The following TM9SF3 variants were observed in gnomAD, a reference collection of about 807,000 sequenced individuals.
TM9SF3 encodes transmembrane 9 superfamily member 3.
Under a neutral mutation model 78.6 loss-of-function variants are expected in TM9SF3, and 14 were observed. The ratio of observed to expected loss-of-function variants is 0.18; its 90% CI spans 0.12 to 0.28. The LOEUF is 0.28. TM9SF3 is among the 10% of genes least tolerant of loss of function. TM9SF3 has a pLI of 1.00. For synonymous variants in TM9SF3, 231 were observed against 241.7 expected (o/e 0.96, Z 0.41); for missense variants, 496 against 721.9 (o/e 0.69, Z 3.59).
rs1441542348 is a variant in TM9SF3 at position 96,521,243 on chromosome 10, T to A, written c.*1020A>T. On this transcript the variant is annotated 3_prime_UTR_variant, in exon 15 of 15. Transcript: ENST00000371142. The stretch of plus-strand genomic sequence containing the variant: ...CCCAAATCACACATTTCTACACCAA[T>A]CATCATAAGAAAAAAGTACTCTGTA... 4.7e-6 allele frequency: 1 copy of A among 214,278 alleles called. No homozygotes were observed. The highest frequency in any genetic ancestry group is 5.9e-5 in the Admixed American group (1 of 17,026). 13.3% of individuals were successfully genotyped at this position (214,278 alleles called of 1,614,324 possible). A position where few individuals can be genotyped will look rare whatever the true frequency, so the allele number is the denominator to read the frequency against.
intron 7 of TM9SF3, among the ~76,000 whole-genome samples, chr10:96,549,677 AAACAC>A (rs749296388): frequency 2.0e-5 from 3 of 152,188 alleles, no homozygotes; most frequent in Admixed American, 6.5e-5. Flanking sequence ...CACTTCAAAT[AAACAC>A]AACACAGAAA....
intron 9 of TM9SF3, among the ~76,000 whole-genome samples, chr10:96,539,340 A>G (rs1177605436): frequency 8.4e-6 from 1 of 119,192 alleles, no homozygotes; most frequent in Non-Finnish European, 1.8e-5. Flanking sequence ...CCTGGGCTAC[A>G]GAGCAAGACC....
rs1437524080 is a variant in TM9SF3, at chr10:96,584,037, AAAAAC to A, written c.102+2692_102+2696del. On this transcript the variant is annotated intron_variant, in intron 1 of 14. Transcript: ENST00000371142. Reference sequence around the variant, plus strand: ...TGACAAGAGCAAAACTATGCCTCAAAAAAACAAAACAAAACAAACAAAAAAAAACA... The same window carrying A: ...TGACAAGAGCAAAACTATGCCTCAAAAAAACAAAACAAACAAAAAAAAACA... Among the ~76,000 whole-genome samples, 11 of 152,202 alleles carry A rather than the reference AAAAAC, an allele frequency of 7.2e-5. No individual in the cohort carries two copies. The East Asian group carries it at 1.3e-3, about 19-fold the overall frequency.
intron 1 of TM9SF3, 104 bp downstream of exon 1, chr10:96,586,630 T>G: frequency 2.0e-6 from 2 of 977,764 alleles, no homozygotes; most frequent in Non-Finnish European, 2.6e-6. Flanking sequence ...CGGGCCGCAG[T>G]GGGGCACCAC....
rs1847749879 is a variant in TM9SF3 at position 96,520,368 on chromosome 10, A to C, written c.*1895T>G. 4 of 151,916 alleles carry C rather than the reference A, an allele frequency of 2.6e-5. No individual in the cohort carries two copies. The highest frequency in any genetic ancestry group is 9.7e-5 in the African/African-American group (4 of 41,430). The allele number at this position is 151,916 out of a possible 1,614,324, so 9.4% of individuals were successfully genotyped here. On this transcript the variant is annotated 3_prime_UTR_variant, in exon 15 of 15. Transcript: ENST00000371142. The stretch of plus-strand genomic sequence containing the variant: ...CTGATCAAATTTGTTGGATCATATC[A>C]ATCATACTTAAGTGGTAAGAAATCA...
intron 6 of TM9SF3, among the ~76,000 whole-genome samples, 194 bp downstream of exon 6, chr10:96,552,734 A>G (rs1848188828): frequency 1.3e-5 from 2 of 152,202 alleles, no homozygotes; most frequent in African/African-American, 4.8e-5. Flanking sequence ...TTTCCTGAAA[A>G]AAAATTAATA....
At chr10:96,527,927 C>T in intron 12 of TM9SF3, 104 bp downstream of exon 12, 2 of 1,165,320 alleles carry the variant, frequency 1.7e-6, no homozygotes, top group Non-Finnish European at 2.3e-6. Context: ...TTTTAAGTAA[C>T]AACATTTCTA....
rs777461612 is a variant in TM9SF3, at chr10:96,559,725, T to C, written c.594A>G (p.Lys198=). 3.3e-5 allele frequency: 52 copies of C among 1,575,502 alleles called. No individual in the cohort carries two copies. Among genetic ancestry groups the C allele is most frequent in the Non-Finnish European group, 4.4e-5 (51 of 1,158,202 alleles). ...KIQMSYSVKW[K]KSDVKFEDRF... ...GATCTTCAAATTTCACATCTGACTTTTTCCATTTTACCTAAAAAAAATTTT... is the reference window on the plus strand; with the variant it reads ...GATCTTCAAATTTCACATCTGACTTCTTCCATTTTACCTAAAAAAAATTTT... The change falls in exon 5 of 15, where the codon AAA becomes AAG. Residue 198 remains lysine (K), a synonymous_variant. Transcript: ENST00000371142.
chr10:96,529,959 G>C (rs1054790001), intron 11 of TM9SF3, among the ~76,000 whole-genome samples: 1 of 152,170 alleles, frequency 6.6e-6, no homozygotes, highest in Non-Finnish European at 1.5e-5. Context: ...ATTCCCATCA[G>C]GGGGCACGGG....
At position 96,551,277 on chromosome 10, in the gene TM9SF3, A is replaced by G. The variant is rs773176944; in HGVS notation, c.927T>C (p.Ile309=). 1 of 1,612,386 alleles carries G rather than the reference A, an allele frequency of 6.2e-7. No individual in the cohort carries two copies. The highest frequency in any genetic ancestry group is 1.7e-5 in the Admixed American group (1 of 59,992). Residue 309 remains isoleucine, a synonymous_variant, in exon 7 of 15, where the codon ATT becomes ATC. Coordinates refer to ENST00000371142, the MANE Select transcript of TM9SF3 (RefSeq NM_020123.4). ...ATAAATCTTCTATCATTGCAACAAT[A>G]ATAACGATGAGAGACACAGCAAATA... is the stretch of plus-strand genomic sequence containing the variant. ...CQIFAVSLIV[I]IVAMIEDLYT...
Position 96,562,013 on chromosome 10 carries a change from G to A in TM9SF3, c.547C>T (p.Leu183=), listed in dbSNP as rs1390464870. Residue 183 remains leucine (L), a synonymous_variant, in exon 4 of 15, where the codon CTG becomes TTG. Transcript: ENST00000371142. ...ATCTGGATTTTAGTATTTGGAACCA[G>A]TTTCACCTTTCCTTCACTAGTTAGA... ...VNLTSEGKVK[L]VPNTKIQMSY... is the part of the protein sequence containing the mutation. The A allele has an allele frequency of 6.8e-6, 11 of 1,612,490 alleles. No homozygotes were observed. Among genetic ancestry groups the A allele is most frequent in the Middle Eastern group, 1.6e-4 (1 of 6,076 alleles).
At chr10:96,525,082 A>G (rs1847822498) in intron 14 of TM9SF3, among the ~76,000 whole-genome samples, 1 of 152,070 alleles carries the variant, frequency 6.6e-6, no homozygotes, top group Admixed American at 6.6e-5. Flanking sequence ...GATCACATAT[A>G]GAAAAAGTCA....
chr10:96,583,239 T>G lies in TM9SF3; in HGVS notation c.102+3495A>C, dbSNP rs1848592931. Among the ~76,000 whole-genome samples, 3 of 152,314 alleles carry G rather than the reference T, an allele frequency of 2.0e-5. No individual in the cohort carries two copies. The South Asian group carries it at 6.2e-4, about 32-fold the overall frequency. On this transcript the variant is annotated intron_variant, in intron 1 of 14. Coordinates refer to ENST00000371142, the MANE Select transcript of TM9SF3 (RefSeq NM_020123.4). Reference sequence around the variant, plus strand: ...GGTATTGTCCCTTCTTAGGACAAGCTATATAATTTGTGCGACCCAGTACAG... The same window carrying G: ...GGTATTGTCCCTTCTTAGGACAAGCGATATAATTTGTGCGACCCAGTACAG...
chr10:96,584,850 A>G (rs7085389), intron 1 of TM9SF3, among the ~76,000 whole-genome samples: 31,378 of 152,184 alleles, frequency 0.21, 3,608 homozygotes, highest in Admixed American at 0.31. Context: ...AATAATGGGT[A>G]ACCAAGTAAG....
At chr10:96,539,764 C>T (rs1201659207) in intron 9 of TM9SF3, among the ~76,000 whole-genome samples, 1 of 152,096 alleles carries the variant, frequency 6.6e-6, no homozygotes, top group Non-Finnish European at 1.5e-5. Flanking sequence ...ACCATAACCA[C>T]TGCTCTCAGA....
chr10:96,522,993 GTTTGT>G (rs1463124341), intron 14 of TM9SF3, among the ~76,000 whole-genome samples: 1 of 151,842 alleles, frequency 6.6e-6, no homozygotes, highest in Non-Finnish European at 1.5e-5. Context: ...AATCAGGGAT[GTTTGT>G]TTTGTTAAGT....
intron 2 of TM9SF3, among the ~76,000 whole-genome samples, chr10:96,567,566 A>G (rs1848392453): frequency 6.6e-6 from 1 of 152,016 alleles, no homozygotes; most frequent in African/African-American, 2.4e-5. Context: ...TCCAGTCTAA[A>G]ATCCTCACCA....
chr10:96,583,647 T>A (rs995534330), intron 1 of TM9SF3, among the ~76,000 whole-genome samples: 1 of 151,396 alleles, frequency 6.6e-6, no homozygotes. Flanking sequence ...TGACCTCACC[T>A]CTCTAGATTC....
At chr10:96,566,600 G>A (rs569428271) in intron 2 of TM9SF3, among the ~76,000 whole-genome samples, 1 of 152,172 alleles carries the variant, frequency 6.6e-6, no homozygotes, top group Admixed American at 6.5e-5. Context: ...AAATTAATTT[G>A]TCTCCAACAG....
Sources: gnomAD v4.1 joint callset for allele counts (sites outside exome capture counted in the v4.1 genomes callset) on GRCh38, gnomAD v4.1.1 for gene constraint, MANE v1.5 for transcripts, NCBI Gene and HGNC (gene_info 2026-07-23, HGNC 2026-07-21) for gene names.